Variants in NRG1 observed in about 807,000 individuals in gnomAD.
The protein encoded by NRG1 is neuregulin 1.
NRG1 carries 18 observed loss-of-function variants against 63.8 expected under a neutral mutation model. The ratio of observed to expected loss-of-function variants is 0.28; its 90% CI spans 0.19 to 0.42. The LOEUF (loss-of-function observed/expected upper bound fraction) is 0.42. NRG1 is among the 10% of genes least tolerant of loss of function. The pLI is 1.00. For missense variants in NRG1, 762 were observed against 814.7 expected (o/e 0.94, Z 0.79); for synonymous variants, 302 against 301.3 (o/e 1.00, Z -0.02).
chr8:31,792,900 C>A (rs1175651959), intron 1 of NRG1, among the ~76,000 whole-genome samples: 2 of 152,144 alleles, frequency 1.3e-5, no homozygotes, highest in East Asian at 3.9e-4. Context: ...AAAAATGATG[C>A]CTAATGTTGA....
At chr8:32,648,043 C>T (rs774456556) in intron 5 of NRG1, 3 of 1,614,126 alleles carry the variant, frequency 1.9e-6, no homozygotes, top group Non-Finnish European at 2.5e-6. Flanking sequence ...TATGACTCTC[C>T]TACTCACCTT....
intron 1 of NRG1, among the ~76,000 whole-genome samples, chr8:32,539,596 A>T (rs1238879760): frequency 6.6e-6 from 1 of 152,216 alleles, no homozygotes; most frequent in Non-Finnish European, 1.5e-5. Flanking sequence ...GTCTTTGGGC[A>T]TGTTTAGTTT....
rs566077484 is a variant in NRG1, at chr8:32,106,752, T to A, written c.37+467321T>A. Among the ~76,000 whole-genome samples, 29 of 152,046 alleles carry A rather than the reference T, an allele frequency of 1.9e-4. No homozygotes were observed. The South Asian group carries it at 5.6e-3, about 29-fold the overall frequency. On this transcript the variant is annotated intron_variant, in intron 1 of 10. Coordinates refer to the NRG1 transcript ENST00000519301. ...ATGCATACATAATTTACTCCCTTTT[T>A]AAAAAAAATGGAACTGGGCTATTCT...
chr8:32,440,066 C>T lies in NRG1; in HGVS notation c.38-155762C>T, dbSNP rs149109787. On this transcript the variant is annotated intron_variant, in intron 1 of 10. Coordinates refer to the NRG1 transcript ENST00000519301. ...GGCCTCAGGAAACTTACAATCATGGCGGAAGACAAACAGGATGCAAAACAC... is the reference window on the plus strand; with the variant it reads ...GGCCTCAGGAAACTTACAATCATGGTGGAAGACAAACAGGATGCAAAACAC... Among the ~76,000 whole-genome samples, 480 of 152,094 alleles carry T rather than the reference C, an allele frequency of 3.2e-3. 2 individuals are homozygous for T. The highest frequency in any genetic ancestry group is 5.0e-3 in the Admixed American group (77 of 15,272).
intron 1 of NRG1, among the ~76,000 whole-genome samples, chr8:31,768,085 C>T (rs2131554565): frequency 6.6e-6 from 1 of 152,210 alleles, no homozygotes; most frequent in African/African-American, 2.4e-5. Context: ...TTCATCACAA[C>T]AGATAACCTA....
At chr8:31,944,516 C>T (rs1007802347) in intron 1 of NRG1, among the ~76,000 whole-genome samples, 1 of 152,186 alleles carries the variant, frequency 6.6e-6, no homozygotes. Context: ...AGAACAAAAA[C>T]TCTGTCTCAT....
intron 5 of NRG1, among the ~76,000 whole-genome samples, chr8:32,659,837 G>A (rs1487499832): frequency 2.0e-5 from 3 of 151,958 alleles, no homozygotes; most frequent in Non-Finnish European, 4.4e-5. Context: ...CTATAAATGT[G>A]CTCTTCAAAC....
intron 1 of NRG1, among the ~76,000 whole-genome samples, chr8:32,372,937 G>T (rs1809112775): frequency 6.6e-6 from 1 of 152,224 alleles, no homozygotes; most frequent in South Asian, 2.1e-4. Flanking sequence ...ATGTGTCGAT[G>T]CTGGATCATT....
chr8:32,321,386 G>T (rs916717495), intron 1 of NRG1, among the ~76,000 whole-genome samples: 2 of 151,300 alleles, frequency 1.3e-5, no homozygotes, highest in East Asian at 3.9e-4. Context: ...ACCTCTTTAT[G>T]TTCCTGTATG....
chr8:32,166,433 C>T (rs1278366275), intron 1 of NRG1, among the ~76,000 whole-genome samples: 1 of 152,092 alleles, frequency 6.6e-6, no homozygotes, highest in African/African-American at 2.4e-5. Context: ...GTAATATTAT[C>T]CTTGGCTCTA....
At chr8:32,476,637 T>C (rs6468108) in intron 1 of NRG1, among the ~76,000 whole-genome samples, 94,496 of 152,044 alleles carry the variant, frequency 0.62, 29,629 homozygotes, top group East Asian at 0.8. Context: ...AGACTCTTTT[T>C]GGCAACTCAT....
chr8:31,921,708 C>G (rs1833934879), intron 1 of NRG1, among the ~76,000 whole-genome samples: 1 of 152,104 alleles, frequency 6.6e-6, no homozygotes, highest in Non-Finnish European at 1.5e-5. Flanking sequence ...GCTGTGGAAA[C>G]TATATTTGGC....
intron 1 of NRG1, among the ~76,000 whole-genome samples, chr8:32,111,110 AT>A (rs971219777): frequency 1.3e-5 from 2 of 151,564 alleles, no homozygotes; most frequent in African/African-American, 2.4e-5. Context: ...CTGAGCTATC[AT>A]TTTTTTTCTT....
intron 5 of NRG1, among the ~76,000 whole-genome samples, chr8:32,713,705 T>A (rs1818389686): frequency 6.8e-6 from 1 of 146,830 alleles, no homozygotes; most frequent in Non-Finnish European, 1.5e-5. Flanking sequence ...AATAAATATA[T>A]ATAATAATAT....
intron 1 of NRG1, among the ~76,000 whole-genome samples, chr8:32,569,023 G>T (rs1181093433): frequency 6.6e-6 from 1 of 151,612 alleles, no homozygotes; most frequent in Non-Finnish European, 1.5e-5. Flanking sequence ...TTGAAAGGCC[G>T]AAATCAGCCA....
At chr8:32,488,452 C>A (rs910025768) in intron 1 of NRG1, among the ~76,000 whole-genome samples, 2 of 152,088 alleles carry the variant, frequency 1.3e-5, no homozygotes, top group Non-Finnish European at 2.9e-5. Context: ...TACTTCTGAC[C>A]ACTTGGGAAA....
intron 1 of NRG1, among the ~76,000 whole-genome samples, chr8:31,788,871 A>G (rs1820425665): frequency 6.6e-6 from 1 of 152,196 alleles, no homozygotes; most frequent in African/African-American, 2.4e-5. Flanking sequence ...AGCACAGACA[A>G]TCTGTCTCTT....
chr8:31,869,722 A>G (rs1019603432), intron 1 of NRG1, among the ~76,000 whole-genome samples: 5 of 152,216 alleles, frequency 3.3e-5, no homozygotes, highest in African/African-American at 7.2e-5. Flanking sequence ...TGAAACAGCA[A>G]TCTAAAAGCT....
chr8:32,436,256 G>A (rs1818777017), intron 1 of NRG1, among the ~76,000 whole-genome samples: 1 of 152,084 alleles, frequency 6.6e-6, no homozygotes, highest in Non-Finnish European at 1.5e-5. Flanking sequence ...ACTACCACGA[G>A]TATTGTGTGA....
Sources: gnomAD v4.1 joint callset for allele counts (sites outside exome capture counted in the v4.1 genomes callset) on GRCh38, gnomAD v4.1.1 for gene constraint, MANE v1.5 for transcripts, NCBI Gene and HGNC (gene_info 2026-07-23, HGNC 2026-07-21) for gene names.